The following SIGLEC11 variants were observed in gnomAD, a reference collection of about 807,000 sequenced individuals.
SIGLEC11 encodes sialic acid binding Ig like lectin 11.
SIGLEC11 carries 47 observed loss-of-function variants against 61.2 expected under a neutral mutation model. The observed-to-expected ratio is 0.77, with a 90% CI of 0.61 to 0.98. The LOEUF (loss-of-function observed/expected upper bound fraction) is 0.98. SIGLEC11 is among the 50% of genes least tolerant of loss of function. The probability of loss-of-function intolerance (pLI) is 0.00; values close to 1 mark genes in which losing one functional copy is unlikely to be tolerated. For missense variants in SIGLEC11, 610 were observed against 870.3 expected, an observed-to-expected ratio of 0.70 and a Z score of 3.76; for synonymous variants, 278 against 373.1, an observed-to-expected ratio of 0.75 and a Z score of 2.94.
chr19:49,949,936 C>T lies in SIGLEC11; in HGVS notation c.*34G>A, dbSNP rs369580037. On this transcript the variant is annotated 3_prime_UTR_variant, in exon 11 of 11. Transcript: ENST00000447370. ...CCGTCACACCAGTGCGACTCCCACA[C>T]ACTTGCTGGTGTCCTGTTGCCATGG... is the stretch of plus-strand genomic sequence containing the variant. 4 of 1,401,186 alleles carry T rather than the reference C, an allele frequency of 2.9e-6. No homozygotes were observed. The highest frequency in any genetic ancestry group is 2.9e-5 in the African/African-American group (2 of 68,788). The allele number at this position is 1,401,186 out of a possible 1,614,324, so 86.8% of individuals were successfully genotyped here. A position where few individuals can be genotyped will look rare whatever the true frequency, so the allele number is the denominator to read the frequency against.
Position 49,950,038 on chromosome 19 carries a change from G to A in SIGLEC11, c.2029C>T (p.Gln677Ter). ...EYSEIKIHTG[Q>*]PLRGPGFGLQ... Reference sequence around the variant, plus strand: ...CCAAAGCCTGGGCCCCTCAGGGGCTGTCCTGTGTGGATCTTGATCTCCGAG... The same window carrying A: ...CCAAAGCCTGGGCCCCTCAGGGGCTATCCTGTGTGGATCTTGATCTCCGAG... The change falls in exon 11 of 11, where the codon CAG (glutamine) becomes TAG (stop). Residue 677 changes from glutamine to a stop codon, truncating the protein, a stop_gained. Coordinates refer to ENST00000447370, the MANE Select transcript of SIGLEC11 (RefSeq NM_052884.3). LOFTEE classifies it low-confidence loss of function (END_TRUNC). 1 of 1,600,842 alleles carries A rather than the reference G, an allele frequency of 6.2e-7. No individual in the cohort carries two copies. The highest frequency in any genetic ancestry group is 1.1e-5 in the South Asian group (1 of 89,898).
At position 49,958,268 on chromosome 19, in the gene SIGLEC11, C is replaced by A. The variant is rs774072610; in HGVS notation, c.1651+15G>T. ...TCCTTTCTCCCTGAACCTCAGCCCCCCACAGTCCCCTCACCTGGTAGCAGC... is the reference window on the plus strand; with the variant it reads ...TCCTTTCTCCCTGAACCTCAGCCCCACACAGTCCCCTCACCTGGTAGCAGC... On this transcript the variant is annotated intron_variant, in intron 8 of 10. Coordinates refer to ENST00000447370, the MANE Select transcript of SIGLEC11 (RefSeq NM_052884.3). The A allele has an allele frequency of 2.5e-6, 4 of 1,612,598 alleles. No homozygotes were observed. In the African/African-American group the frequency reaches 4.0e-5, roughly 16 times the overall value.
intron 9 of SIGLEC11, 46 bp downstream of exon 9, chr19:49,952,252 C>A: frequency 2.5e-6 from 4 of 1,574,662 alleles, no homozygotes; most frequent in Non-Finnish European, 2.6e-6. Flanking sequence ...GATTCTAGAA[C>A]CCTCACCCTT....
rs1472295354 is a variant in SIGLEC11 at position 49,958,514 on chromosome 19, T to C, written c.1420A>G (p.Ser474Gly). 1.2e-6 allele frequency: 2 copies of C among 1,607,064 alleles called. No homozygotes were observed. The highest frequency in any genetic ancestry group is 1.1e-5 in the South Asian group (1 of 90,518). Reference sequence around the variant, plus strand: ...GCCGGGCTGGCCTGGGAGGAGCAGCTGCAGTGCAGACCCTCAGCCTCCCAG... The same window carrying C: ...GCCGGGCTGGCCTGGGAGGAGCAGCCGCAGTGCAGACCCTCAGCCTCCCAG... ...CSWEAEGLHCSCSSQASPAPS... is the reference protein window; with the variant it reads ...CSWEAEGLHCGCSSQASPAPS... Residue 474 changes from serine to glycine, a missense_variant, in exon 8 of 11, where the codon AGC becomes GGC. Transcript: ENST00000447370.
chr19:49,960,842 G>A lies in SIGLEC11; in HGVS notation c.170C>T (p.Ser57Phe), dbSNP rs1351392824. The part of the protein sequence containing the change: ...GLCVIVSCNL[S>F]YPRDGWDEST... ...CTCGTCCCAGCCATCCCGGGGGTAG[G>A]AGAGGTTGCAAGACACGATGACACA... The change falls in exon 2 of 11, where the codon TCC becomes TTC. Residue 57 changes from serine (S) to phenylalanine (F), a missense_variant. Physicochemically the swap from Ser to Phe is radical, Grantham distance 155. Transcript: ENST00000447370. The A allele has an allele frequency of 5.0e-6, 8 of 1,611,704 alleles. No individual in the cohort carries two copies. Among genetic ancestry groups the A allele is most frequent in the Non-Finnish European group, 5.9e-6 (7 of 1,179,402 alleles).
At chr19:49,952,086 C>T in intron 9 of SIGLEC11, 114 bp from the exon 10 acceptor site, 2 of 1,154,184 alleles carry the variant, frequency 1.7e-6, no homozygotes, top group Non-Finnish European at 2.4e-6. Context: ...GGGGTGGGGA[C>T]ATATCCACGG....
Position 49,960,627 on chromosome 19 carries a change from A to G in SIGLEC11, c.385T>C (p.Tyr129His), listed in dbSNP as rs2076238418. The G allele has an allele frequency of 6.2e-7, 1 of 1,602,112 alleles. No homozygotes were observed. The highest frequency in any genetic ancestry group is 2.2e-5 in the East Asian group (1 of 44,858). ...CTTCCTCTCTCCACCCGAAAGAAGT[A>G]CCATGCCTCATCCTCCCTCTGCGCG... ...RDAQREDEAW[Y>H]FFRVERGSRV... The change falls in exon 2 of 11, where the codon TAC becomes CAC. Residue 129 changes from tyrosine (Y) to histidine (H), a missense_variant. Physicochemically the swap from Tyr to His is moderately conservative, Grantham distance 83. Coordinates refer to ENST00000447370, the MANE Select transcript of SIGLEC11 (RefSeq NM_052884.3).
In SIGLEC11 at chr19:49,958,482, A is replaced by G. The variant is rs1458081814; in HGVS notation, c.1452T>C (p.Ser484=). The G allele has an allele frequency of 1.2e-6, 2 of 1,612,024 alleles. No individual in the cohort carries two copies. Among genetic ancestry groups the G allele is most frequent in the Admixed American group, 3.3e-5 (2 of 59,726 alleles). ...SCSSQASPAP[S]LRWWLGEELL... The stretch of plus-strand genomic sequence containing the variant: ...GCTCCTCCCCAAGCCACCAGCGCAG[A>G]GAGGGGGCCGGGCTGGCCTGGGAGG... Residue 484 remains serine, a synonymous_variant, in exon 8 of 11, where the codon TCT becomes TCC. Coordinates refer to ENST00000447370, the MANE Select transcript of SIGLEC11 (RefSeq NM_052884.3).
intron 2 of SIGLEC11, 32 bp from the exon 3 acceptor site, chr19:49,960,453 G>C (rs776733951): frequency 6.3e-7 from 1 of 1,594,636 alleles, no homozygotes; most frequent in Non-Finnish European, 8.5e-7. Context: ...AGATTCTTGT[G>C]CTGCAGGGGT....
At chr19:49,953,915 C>T (rs1467143430) in intron 8 of SIGLEC11, among the ~76,000 whole-genome samples, 1 of 152,090 alleles carries the variant, frequency 6.6e-6, no homozygotes, top group Non-Finnish European at 1.5e-5. Context: ...AAGCTAACCC[C>T]CCAAAGGTTG....
intron 8 of SIGLEC11, among the ~76,000 whole-genome samples, chr19:49,954,976 C>T (rs2076185870): frequency 1.3e-5 from 2 of 151,884 alleles, no homozygotes; most frequent in Non-Finnish European, 2.9e-5. Context: ...AGAGAGCTGA[C>T]GAGAGCCCAA....
intron 8 of SIGLEC11, among the ~76,000 whole-genome samples, chr19:49,954,972 C>T (rs2076185848): frequency 6.6e-6 from 1 of 151,906 alleles, no homozygotes. Context: ...CTTCAGAGAG[C>T]TGACGAGAGC....
In SIGLEC11 at chr19:49,949,931, C is replaced by T; in HGVS notation, c.*39G>A. The stretch of plus-strand genomic sequence containing the variant: ...TCTGGCCGTCACACCAGTGCGACTC[C>T]CACACACTTGCTGGTGTCCTGTTGC... On this transcript the variant is annotated 3_prime_UTR_variant, in exon 11 of 11. Coordinates refer to ENST00000447370, the MANE Select transcript of SIGLEC11 (RefSeq NM_052884.3). The T allele has an allele frequency of 7.2e-7, 1 of 1,395,604 alleles. No homozygotes were observed. The highest frequency in any genetic ancestry group is 1.8e-5 in the South Asian group (1 of 56,180). The allele number at this position is 1,395,604 out of a possible 1,614,324, so 86.5% of individuals were successfully genotyped here. A position where few individuals can be genotyped will look rare whatever the true frequency, so the allele number is the denominator to read the frequency against.
At chr19:49,950,284 G>C in intron 10 of SIGLEC11, 48 bp from the exon 11 acceptor site, 1 of 1,443,912 alleles carries the variant, frequency 6.9e-7, no homozygotes, top group East Asian at 2.4e-5. Context: ...TGGGGGCTAA[G>C]CGAGAGCAAG....
intron 9 of SIGLEC11, 90 bp downstream of exon 9, chr19:49,952,207 GC>G: frequency 1.5e-6 from 2 of 1,334,342 alleles, no homozygotes. Context: ...CACACCCACT[GC>G]CCCATCTAGA....
chr19:49,954,511 T>C (rs147552723), intron 8 of SIGLEC11, among the ~76,000 whole-genome samples: 1 of 152,246 alleles, frequency 6.6e-6, no homozygotes, highest in Admixed American at 6.5e-5. Context: ...CCACTTATTG[T>C]AATAACCAAG....
chr19:49,956,923 G>A (rs2076200574), intron 8 of SIGLEC11, among the ~76,000 whole-genome samples: 1 of 152,150 alleles, frequency 6.6e-6, no homozygotes, highest in Non-Finnish European at 1.5e-5. Flanking sequence ...ACTAACTGCT[G>A]CCTAAAAATC....
Position 49,960,474 on chromosome 19 carries a change from C to T in SIGLEC11, c.461-53G>A. 3.1e-6 allele frequency: 5 copies of T among 1,590,384 alleles called. 1 individual carries two copies. The Admixed American group carries it at 8.4e-5, about 27-fold the overall frequency. ...TTGTGCTGCAGGGGTCCCTGAGAGCCCTCTCTGCTCAGCCCATAGCCTGTC... is the reference window on the plus strand; with the variant it reads ...TTGTGCTGCAGGGGTCCCTGAGAGCTCTCTCTGCTCAGCCCATAGCCTGTC... On this transcript the variant is annotated intron_variant, in intron 2 of 10. Transcript: ENST00000447370.
At chr19:49,958,956 T>A in intron 6 of SIGLEC11, 56 bp from the exon 7 acceptor site, 1 of 1,612,802 alleles carries the variant, frequency 6.2e-7, no homozygotes, top group African/African-American at 1.3e-5. Context: ...GACCCTCCTG[T>A]GTGGGGACCC....
Sources: gnomAD v4.1 joint callset for allele counts (sites outside exome capture counted in the v4.1 genomes callset) on GRCh38, gnomAD v4.1.1 for gene constraint, MANE v1.5 for transcripts, NCBI Gene and HGNC (gene_info 2026-07-23, HGNC 2026-07-21) for gene names.